The following DLGAP2 variants were observed in gnomAD, a reference collection of about 807,000 sequenced individuals.
DLGAP2 encodes DLG associated protein 2.
DLGAP2 carries 26 observed loss-of-function variants against 100.3 expected under a neutral mutation model. That is an observed-to-expected ratio of 0.26 (90% confidence interval 0.19 to 0.36). The LOEUF (loss-of-function observed/expected upper bound fraction) is 0.36. Ranked by LOEUF, DLGAP2 falls within the 10% of genes least tolerant of loss-of-function variation. The probability of loss-of-function intolerance (pLI) is 1.00; values close to 1 mark genes in which losing one functional copy is unlikely to be tolerated. For synonymous variants in DLGAP2, 886 were observed against 630.1 expected, an observed-to-expected ratio of 1.41 and a Z score of -6.08; for missense variants, 1,858 against 1,453.2, an observed-to-expected ratio of 1.28 and a Z score of -4.53.
chr8:1,361,687 C>G (rs1405819657), intron 3 of DLGAP2, among the ~76,000 whole-genome samples: 1 of 152,190 alleles, frequency 6.6e-6, no homozygotes, highest in Admixed American at 6.5e-5. Context: ...AAATTGATGT[C>G]AAGCACCTTC....
chr8:963,036 C>G (rs1799763689), intron 2 of DLGAP2, among the ~76,000 whole-genome samples: 1 of 152,196 alleles, frequency 6.6e-6, no homozygotes, highest in South Asian at 2.1e-4. Flanking sequence ...GCTGCTGTGC[C>G]CCTCTCATCC....
At chr8:1,567,969 C>G (rs907021935) in intron 6 of DLGAP2, among the ~76,000 whole-genome samples, 1 of 152,244 alleles carries the variant, frequency 6.6e-6, no homozygotes, top group East Asian at 1.9e-4. Flanking sequence ...GCCTACGTTA[C>G]TCCTGTTCTA....
chr8:1,274,651 G>A (rs1435219600), intron 3 of DLGAP2, among the ~76,000 whole-genome samples: 2 of 140,306 alleles, frequency 1.4e-5, no homozygotes, highest in African/African-American at 5.3e-5. Context: ...ACCATAAAAT[G>A]AGTGACTTTG....
intron 3 of DLGAP2, among the ~76,000 whole-genome samples, chr8:1,485,869 C>T (rs982965465): frequency 6.6e-6 from 1 of 152,046 alleles, no homozygotes; most frequent in Non-Finnish European, 1.5e-5. Flanking sequence ...TACTAAAATA[C>T]AAAAATTAGC....
At chr8:1,466,961 A>T (rs78000663) in intron 3 of DLGAP2, among the ~76,000 whole-genome samples, 7,382 of 152,278 alleles carry the variant, frequency 0.048, 602 homozygotes, top group African/African-American at 0.16. Flanking sequence ...AAGTGATTTT[A>T]AATTTTTGTA....
intron 3 of DLGAP2, among the ~76,000 whole-genome samples, chr8:1,262,234 G>C (rs957800790): frequency 6.6e-6 from 1 of 152,154 alleles, no homozygotes; most frequent in Admixed American, 6.5e-5. Context: ...CGATGGTGTG[G>C]CCTGTTTTTC....
Position 1,701,332 on chromosome 8 carries a change from TTCCGGCA to T in DLGAP2, c.3095_3101del (p.Phe1032Ter). On this transcript the variant is annotated frameshift_variant, in exon 15 of 15. Coordinates refer to ENST00000637795, the MANE Select transcript of DLGAP2 (RefSeq NM_001346810.2). LOFTEE classifies it high-confidence loss of function. Reference sequence around the variant, plus strand: ...CATGGCCGCCAAGCGAGCGGCGTCCTTCCGGCAGAATTCCGCCTCCGAGCGCGCGGAC... The same window carrying T: ...CATGGCCGCCAAGCGAGCGGCGTCCTGAATTCCGCCTCCGAGCGCGCGGAC... 1 of 1,592,632 alleles carries T rather than the reference TTCCGGCA, an allele frequency of 6.3e-7. No individual in the cohort carries two copies. Among genetic ancestry groups the T allele is most frequent in the Non-Finnish European group, 8.5e-7 (1 of 1,170,270 alleles).
At chr8:1,380,589 C>A (rs1796069134) in intron 3 of DLGAP2, among the ~76,000 whole-genome samples, 1 of 152,092 alleles carries the variant, frequency 6.6e-6, no homozygotes, top group South Asian at 2.1e-4. Context: ...AATTAAAGTC[C>A]ACATGAAGGA....
chr8:962,260 TA>T (rs1298098356), intron 2 of DLGAP2, among the ~76,000 whole-genome samples: 1 of 152,158 alleles, frequency 6.6e-6, no homozygotes, highest in African/African-American at 2.4e-5. Context: ...AAATTACAGC[TA>T]AAAACAGATG....
chr8:807,992 G>C (rs889999074), intron 1 of DLGAP2, among the ~76,000 whole-genome samples: 5 of 152,198 alleles, frequency 3.3e-5, no homozygotes, highest in Non-Finnish European at 4.4e-5. Flanking sequence ...ATGCTACTAA[G>C]CAATTGCTAC....
chr8:1,618,930 C>G (rs1167603894), intron 6 of DLGAP2, among the ~76,000 whole-genome samples: 1 of 152,150 alleles, frequency 6.6e-6, no homozygotes, highest in Non-Finnish European at 1.5e-5. Context: ...CATACATCAC[C>G]AGATGTCCCT....
intron 3 of DLGAP2, among the ~76,000 whole-genome samples, chr8:1,433,216 G>C (rs1797508574): frequency 6.6e-6 from 1 of 152,206 alleles, no homozygotes; most frequent in Non-Finnish European, 1.5e-5. Context: ...AGCTTACCTT[G>C]AAAATAAGTC....
Position 1,701,185 on chromosome 8 carries a change from C to G in DLGAP2, c.2950-3C>G. The G allele has an allele frequency of 6.4e-7, 1 of 1,555,936 alleles. No individual in the cohort carries two copies. ...GCCAACGGTGACTTGCGCTGCTTTT[C>G]AGGAAGAAAGAAAGGTCCCGCCTCC... On this transcript the variant is annotated splice_polypyrimidine_tract_variant and splice_region_variant and intron_variant, in intron 14 of 14. Transcript: ENST00000637795.
intron 4 of DLGAP2, among the ~76,000 whole-genome samples, chr8:1,546,674 C>G (rs1336896664): frequency 3.9e-5 from 6 of 152,194 alleles, no homozygotes; most frequent in Admixed American, 2.6e-4. Context: ...ACTCTGCTTG[C>G]TTTCCCTGGC....
At chr8:948,707 G>T (rs1387830631) in intron 2 of DLGAP2, among the ~76,000 whole-genome samples, 1 of 152,270 alleles carries the variant, frequency 6.6e-6, no homozygotes, top group Non-Finnish European at 1.5e-5. Flanking sequence ...TGCTGCTCCA[G>T]CGCAGCCCAG....
chr8:1,048,236 G>A (rs1025445303), intron 2 of DLGAP2, among the ~76,000 whole-genome samples: 3 of 152,128 alleles, frequency 2.0e-5, no homozygotes, highest in Non-Finnish European at 4.4e-5. Context: ...CCCGGCGCGT[G>A]TTCTCATTCC....
At chr8:1,205,692 C>G (rs939635000) in intron 2 of DLGAP2, among the ~76,000 whole-genome samples, 14 of 152,180 alleles carry the variant, frequency 9.2e-5, no homozygotes, top group Non-Finnish European at 2.1e-4. Flanking sequence ...GTGACCGGAG[C>G]ACTGGGATTC....
At chr8:1,343,511 A>C (rs550361725) in intron 3 of DLGAP2, among the ~76,000 whole-genome samples, 1 of 152,290 alleles carries the variant, frequency 6.6e-6, no homozygotes, top group East Asian at 1.9e-4. Context: ...CCCAGGGCCC[A>C]GGTAAGCAAA....
In DLGAP2 at chr8:1,502,874, G is replaced by T. The variant is rs1799770748; in HGVS notation, c.172+1443G>T. The stretch of plus-strand genomic sequence containing the variant: ...CACGTGCCCCAGGGGCCTTCTCTGG[G>T]GCAGCAGGAGGTACCTGGGGTGGTT... On this transcript the variant is annotated intron_variant, in intron 4 of 14. Transcript: ENST00000637795. Among the ~76,000 whole-genome samples, 3 of 152,166 alleles carry T rather than the reference G, an allele frequency of 2.0e-5. No homozygotes were observed. The South Asian group carries it at 6.2e-4, about 32-fold the overall frequency.
Sources: allele counts gnomAD v4.1 joint callset (sites outside exome capture counted in the v4.1 genomes callset), GRCh38; gene constraint gnomAD v4.1.1; transcripts MANE v1.5; gene names NCBI Gene and HGNC (gene_info 2026-07-23, HGNC 2026-07-21).